The following DIPK1A variants were observed in gnomAD, a reference collection of about 807,000 sequenced individuals.
DIPK1A encodes divergent protein kinase domain 1A.
Under a neutral mutation model 40.8 loss-of-function variants are expected in DIPK1A, and 27 were observed. That is an observed-to-expected ratio of 0.66 (90% CI 0.49 to 0.91). DIPK1A has a LOEUF of 0.91. Among genes scored for constraint, DIPK1A ranks in the 40% least tolerant of loss-of-function variants. The probability of loss-of-function intolerance (pLI) is 0.00; values close to 1 mark genes in which losing one functional copy is unlikely to be tolerated. For missense variants in DIPK1A, 412 were observed against 505.7 expected, an observed-to-expected ratio of 0.81 and a Z score of 1.78; for synonymous variants, 166 against 171.3, an observed-to-expected ratio of 0.97 and a Z score of 0.24.
At chr1:92,867,752 C>T (rs977728967) in intron 2 of DIPK1A, among the ~76,000 whole-genome samples, 24 of 152,118 alleles carry the variant, frequency 1.6e-4, no homozygotes, top group African/African-American at 5.3e-4. Context: ...GTGATCTGCC[C>T]ATCTCAGCCT....
At chr1:92,834,923 A>G in intron 4 of DIPK1A, 1 of 1,600,308 alleles carries the variant, frequency 6.2e-7, no homozygotes, top group East Asian at 2.2e-5. Flanking sequence ...GGTATGTACA[A>G]GATGATTTTA....
intron 1 of DIPK1A, among the ~76,000 whole-genome samples, chr1:92,952,901 C>A (rs1651690020): frequency 6.6e-6 from 1 of 152,020 alleles, no homozygotes; most frequent in Admixed American, 6.6e-5. Flanking sequence ...GTGGCACTAG[C>A]TCTAAGATCT....
At chr1:92,898,280 G>C (rs951037754) in intron 1 of DIPK1A, among the ~76,000 whole-genome samples, 2 of 152,102 alleles carry the variant, frequency 1.3e-5, no homozygotes, top group Non-Finnish European at 2.9e-5. Flanking sequence ...GGTGAAGAGA[G>C]CAACGGGGGA....
At position 92,843,109 on chromosome 1, in the gene DIPK1A, C is replaced by T; in HGVS notation, c.*274G>A. The T allele has an allele frequency of 9.0e-7, 1 of 1,113,640 alleles. No homozygotes were observed. The highest frequency in any genetic ancestry group is 1.6e-5 in the African/African-American group (1 of 60,990). 69.0% of individuals were successfully genotyped at this position (1,113,640 alleles called of 1,614,324 possible). ...TTGATGTTTATGGAATGAAGCTTTT[C>T]ACAGCATTGGTTTTTAAAGTCAGTC... On this transcript the variant is annotated 3_prime_UTR_variant, in exon 5 of 5. Transcript: ENST00000370310.
At chr1:92,957,011 AT>A (rs1455725267) in intron 1 of DIPK1A, among the ~76,000 whole-genome samples, 2 of 152,240 alleles carry the variant, frequency 1.3e-5, no homozygotes, top group Non-Finnish European at 2.9e-5. Context: ...AATGATTGGA[AT>A]GGAAAATGTG....
At chr1:92,882,825 C>CTGTG (rs1382297351) in intron 1 of DIPK1A, among the ~76,000 whole-genome samples, 8 of 152,206 alleles carry the variant, frequency 5.3e-5, no homozygotes, top group Non-Finnish European at 1.2e-4. Context: ...AGGAGACACT[C>CTGTG]TGTGTATCCC....
intron 1 of DIPK1A, among the ~76,000 whole-genome samples, chr1:92,947,609 G>A (rs886129535): frequency 2.0e-5 from 3 of 152,160 alleles, no homozygotes; most frequent in Non-Finnish European, 2.9e-5. Context: ...TTATCCAAAG[G>A]AAAGGAAATC....
intron 2 of DIPK1A, among the ~76,000 whole-genome samples, chr1:92,860,017 A>T (rs1688113616): frequency 6.6e-6 from 1 of 152,214 alleles, no homozygotes; most frequent in Non-Finnish European, 1.5e-5. Context: ...TTTGTTAAAT[A>T]GCATGATAAA....
At chr1:92,866,479 T>C (rs1647549539) in intron 2 of DIPK1A, among the ~76,000 whole-genome samples, 1 of 152,228 alleles carries the variant, frequency 6.6e-6, no homozygotes, top group African/African-American at 2.4e-5. Context: ...TCCCTATTCA[T>C]AGATCCTTTC....
downstream of DIPK1A, chr1:92,840,686 G>C: frequency 2.2e-6 from 3 of 1,366,734 alleles, no homozygotes; most frequent in Non-Finnish European, 2.1e-6. Flanking sequence ...GGTTGGGAAT[G>C]GTTCCCACGT....
At chr1:92,902,029 T>C (rs1008058143) in intron 1 of DIPK1A, among the ~76,000 whole-genome samples, 1 of 152,070 alleles carries the variant, frequency 6.6e-6, no homozygotes, top group Non-Finnish European at 1.5e-5. Flanking sequence ...TCAGCTCAGA[T>C]TGGCTGGTGG....
At chr1:92,932,636 ATTAT>A (rs919986931) in intron 1 of DIPK1A, 25 of 152,280 alleles carry the variant, frequency 1.6e-4, no homozygotes, top group African/African-American at 5.8e-4. Flanking sequence ...ATTTTAGAAA[ATTAT>A]TTGTCAGACA....
chr1:92,849,199 C>A (rs948857016), intron 3 of DIPK1A, among the ~76,000 whole-genome samples: 1 of 152,186 alleles, frequency 6.6e-6, no homozygotes, highest in Admixed American at 6.5e-5. Context: ...CATTCTCTAT[C>A]AATTTGCCCT....
At chr1:92,910,982 T>C (rs1553130959) in intron 1 of DIPK1A, among the ~76,000 whole-genome samples, 1 of 152,114 alleles carries the variant, frequency 6.6e-6, no homozygotes, top group Non-Finnish European at 1.5e-5. Context: ...ACCTCCCCCA[T>C]TCCCTGGCAA....
At position 92,855,538 on chromosome 1, in the gene DIPK1A, AT is replaced by A. The variant is rs1388208448; in HGVS notation, c.190-4584del. On this transcript the variant is annotated intron_variant, in intron 2 of 4. Transcript: ENST00000370310. ...ACATAGTGAGACCTCATATCTAAAA[AT>A]TTTTTTTTTTTTAAATTAGCCAGGC... 3.3e-3 allele frequency among the ~76,000 whole-genome samples: 480 copies of A among 146,480 alleles called. 2 individuals are homozygous for A. Among genetic ancestry groups the A allele is most frequent in the African/African-American group, 9.0e-3 (362 of 40,180 alleles).
At chr1:92,903,580 C>G (rs1351507807) in intron 1 of DIPK1A, among the ~76,000 whole-genome samples, 1 of 152,142 alleles carries the variant, frequency 6.6e-6, no homozygotes, top group Non-Finnish European at 1.5e-5. Context: ...CTCAGAACTT[C>G]TAAAATGCAG....
intron 4 of DIPK1A, among the ~76,000 whole-genome samples, chr1:92,844,613 AGATGGG>A (rs1415567847): frequency 1.3e-5 from 2 of 152,160 alleles, no homozygotes; most frequent in East Asian, 3.9e-4. Context: ...CTTTTTTTAG[AGATGGG>A]GATCTCACTA....
At chr1:92,877,254 G>T (rs1648172670) in intron 1 of DIPK1A, 1 of 419,602 alleles carries the variant, frequency 2.4e-6, no homozygotes, top group Non-Finnish European at 3.2e-6. Context: ...AGTGACACTT[G>T]ATCAAGACTA....
intron 1 of DIPK1A, among the ~76,000 whole-genome samples, chr1:92,913,156 A>G (rs899359184): frequency 4.6e-5 from 7 of 152,196 alleles, no homozygotes; most frequent in Non-Finnish European, 8.8e-5. Flanking sequence ...ATGCCAAAAC[A>G]TGTTAGCTTC....
Sources: allele counts gnomAD v4.1 joint callset (sites outside exome capture counted in the v4.1 genomes callset), GRCh38; gene constraint gnomAD v4.1.1; transcripts MANE v1.5; gene names NCBI Gene and HGNC (gene_info 2026-07-23, HGNC 2026-07-21).